The following CSTPP1 variants were observed in gnomAD, a reference collection of about 807,000 sequenced individuals.
The protein encoded by CSTPP1 is centriolar satellite-associated tubulin polyglutamylase complex regulator 1.
chr11:46,986,442 A>G, the CSTPP1 span, among the ~76,000 whole-genome samples: 1 of 148,250 alleles, frequency 6.7e-6, no homozygotes, highest in Non-Finnish European at 1.5e-5. Context: ...TTTTTTTCTA[A>G]TTTAAATTAA....
At chr11:47,141,397 G>A in the CSTPP1 span, among the ~76,000 whole-genome samples, 1 of 152,018 alleles carries the variant, frequency 6.6e-6, no homozygotes, top group Admixed American at 6.6e-5. Context: ...CACTTGGGGA[G>A]GCTAAGTGGG....
chr11:47,108,854 C>T, the CSTPP1 span, among the ~76,000 whole-genome samples: 3 of 151,862 alleles, frequency 2.0e-5, no homozygotes, highest in African/African-American at 2.4e-5. Context: ...TTACAGGCGC[C>T]GGCCACCATG....
the CSTPP1 span, among the ~76,000 whole-genome samples, chr11:47,074,882 G>A: frequency 1.3e-5 from 2 of 152,178 alleles, no homozygotes; most frequent in African/African-American, 2.4e-5. Context: ...TTATTCAACA[G>A]TATTTTTTTA....
At chr11:46,961,913 G>T in the CSTPP1 span, among the ~76,000 whole-genome samples, 3 of 152,166 alleles carry the variant, frequency 2.0e-5, no homozygotes, top group African/African-American at 7.2e-5. Context: ...AAGGAAAAAG[G>T]TTTAATTGAT....
chr11:47,095,954 A>G, the CSTPP1 span, among the ~76,000 whole-genome samples: 1 of 152,186 alleles, frequency 6.6e-6, no homozygotes, highest in East Asian at 1.9e-4. Context: ...AAAAAACTAC[A>G]TAACAACTAA....
chr11:46,941,566 C>T, the CSTPP1 span, among the ~76,000 whole-genome samples: 2 of 152,178 alleles, frequency 1.3e-5, no homozygotes, highest in Non-Finnish European at 2.9e-5. Flanking sequence ...TCTCGAACTC[C>T]TGACCTCAGG....
the CSTPP1 span, among the ~76,000 whole-genome samples, chr11:46,939,081 T>C: frequency 1.4e-5 from 2 of 141,828 alleles, no homozygotes; most frequent in African/African-American, 5.1e-5. Flanking sequence ...CTGGCTTACA[T>C]CTTTTTTTTT....
the CSTPP1 span, among the ~76,000 whole-genome samples, chr11:46,947,771 T>G: frequency 1.3e-5 from 2 of 152,202 alleles, no homozygotes; most frequent in East Asian, 3.8e-4. Flanking sequence ...AACACAAGCT[T>G]CAGTTTCTGT....
the CSTPP1 span, among the ~76,000 whole-genome samples, chr11:47,087,933 A>G: frequency 6.6e-6 from 1 of 152,164 alleles, no homozygotes; most frequent in Admixed American, 6.6e-5. Context: ...AAAGGCTTGA[A>G]TGGATCTGGA....
At chr11:47,046,555 C>T in the CSTPP1 span, among the ~76,000 whole-genome samples, 1 of 151,832 alleles carries the variant, frequency 6.6e-6, no homozygotes, top group African/African-American at 2.4e-5. Flanking sequence ...GAAAGACACC[C>T]TGAGTACATG....
At chr11:46,938,360 ATATAT>A in the CSTPP1 span, among the ~76,000 whole-genome samples, 8 of 148,078 alleles carry the variant, frequency 5.4e-5, no homozygotes, top group Non-Finnish European at 1.0e-4. Flanking sequence ...TATTATATAG[ATATAT>A]TATTATAGAT....
chr11:47,036,188 T>TA, the CSTPP1 span, among the ~76,000 whole-genome samples: 5 of 53,924 alleles, frequency 9.3e-5, 1 homozygote, highest in African/African-American at 3.0e-4. Flanking sequence ...AAATATATAT[T>TA]TATATTATAT....
the CSTPP1 span, among the ~76,000 whole-genome samples, chr11:46,974,980 T>C: frequency 1.3e-5 from 2 of 150,140 alleles, no homozygotes; most frequent in African/African-American, 4.9e-5. Context: ...ATAAAATAAA[T>C]ATTAAAATAA....
chr11:46,961,481 C>T, the CSTPP1 span, among the ~76,000 whole-genome samples: 10 of 152,028 alleles, frequency 6.6e-5, no homozygotes, highest in Non-Finnish European at 1.0e-4. Context: ...GGATACTAGA[C>T]CCTTATAGAT....
the CSTPP1 span, among the ~76,000 whole-genome samples, chr11:47,146,717 G>A: frequency 6.6e-6 from 1 of 152,200 alleles, no homozygotes; most frequent in Non-Finnish European, 1.5e-5. Flanking sequence ...CTACTCCTGG[G>A]AATAAGGAAA....
chr11:46,954,112 GTAAC>G, the CSTPP1 span, among the ~76,000 whole-genome samples: 15 of 152,122 alleles, frequency 9.9e-5, no homozygotes, highest in Non-Finnish European at 2.2e-4. Context: ...AAAAAAAGAA[GTAAC>G]TAAGAATGCT....
At chr11:47,136,635 G>T in the CSTPP1 span, among the ~76,000 whole-genome samples, 1 of 152,118 alleles carries the variant, frequency 6.6e-6, no homozygotes, top group Non-Finnish European at 1.5e-5. Context: ...GCTAACTTAG[G>T]TCCAAAGAAA....
At chr11:47,157,942 C>A in the CSTPP1 span, 6 of 1,596,394 alleles carry the variant, frequency 3.8e-6, no homozygotes, top group African/African-American at 6.7e-5. Flanking sequence ...AGCTAAGCAG[C>A]CGTCAGCCTC....
chr11:47,069,412 T>C, the CSTPP1 span, among the ~76,000 whole-genome samples: 4 of 152,204 alleles, frequency 2.6e-5, no homozygotes, highest in Non-Finnish European at 4.4e-5. Flanking sequence ...GTAATTGTAG[T>C]AGTTAAGGCA....
Sources: allele counts gnomAD v4.1 joint callset (sites outside exome capture counted in the v4.1 genomes callset), GRCh38; gene constraint gnomAD v4.1.1; transcripts MANE v1.5; gene names NCBI Gene and HGNC (gene_info 2026-07-23, HGNC 2026-07-21).